The following DMD variants were observed in gnomAD, a reference collection of about 807,000 sequenced individuals.
DMD encodes mutant dystrophin.
DMD carries 63 observed loss-of-function variants against 330.1 expected under a neutral mutation model. That is an observed-to-expected ratio of 0.19 (90% CI 0.16 to 0.24). The LOEUF (loss-of-function observed/expected upper bound fraction) is 0.24. DMD is among the 10% of genes least tolerant of loss of function. The pLI, the probability that DMD is intolerant of heterozygous loss-of-function variation, is 1.00. For synonymous variants in DMD, 1,223 were observed against 959.8 expected, an observed-to-expected ratio of 1.27 and a Z score of -5.07; for missense variants, 3,344 against 2,684.1, an observed-to-expected ratio of 1.25 and a Z score of -5.43.
chrX:31,210,044 A>C (rs1267414937), intron 64 of DMD, among the ~76,000 whole-genome samples: 2 of 111,714 alleles, frequency 1.8e-5, no homozygotes, highest in African/African-American at 6.5e-5. Flanking sequence ...GAATAAGAAA[A>C]AAAAAATGTT....
In DMD at chrX:33,307,320, A is replaced by G. The variant is rs192317843; in HGVS notation, c.7+31939T>C. Among the ~76,000 whole-genome samples the G allele has an allele frequency of 8.7e-3, 977 of 112,311 alleles. 7 individuals are homozygous for G. Among genetic ancestry groups the G allele is most frequent in the Non-Finnish European group, 0.014 (724 of 53,290 alleles). Reference sequence around the variant, plus strand: ...AGATGTTATATTTTTCCCAGATTATATCTTTTTTAATTTTGTAAAAATAAA... The same window carrying G: ...AGATGTTATATTTTTCCCAGATTATGTCTTTTTTAATTTTGTAAAAATAAA... On this transcript the variant is annotated intron_variant, in intron 1 of 17. Transcript: ENST00000288447.
chrX:31,632,714 C>T (rs1055642540), intron 54 of DMD, among the ~76,000 whole-genome samples: 19 of 111,685 alleles, frequency 1.7e-4, no homozygotes, highest in African/African-American at 5.9e-4. Flanking sequence ...CCATATCAAC[C>T]GCTACTCATA....
chrX:31,317,157 T>C (rs762353618), intron 62 of DMD, among the ~76,000 whole-genome samples: 3 of 111,598 alleles, frequency 2.7e-5, no homozygotes, highest in Non-Finnish European at 5.6e-5. Context: ...GTCATTCTGC[T>C]TCCTTAAATG....
intron 9 of DMD, among the ~76,000 whole-genome samples, chrX:32,672,775 A>G (rs925987133): frequency 9.0e-6 from 1 of 111,083 alleles, no homozygotes; most frequent in African/African-American, 3.3e-5. Flanking sequence ...GCCATCTATC[A>G]TAACAAAACT....
At chrX:32,314,479 A>G in intron 41 of DMD, among the ~76,000 whole-genome samples, 1 of 111,751 alleles carries the variant, frequency 8.9e-6, no homozygotes, top group African/African-American at 3.2e-5. Flanking sequence ...TTCAGGATAC[A>G]GGCATGGGCA....
In DMD at chrX:32,190,396, C is replaced by T. The variant is rs188693665; in HGVS notation, c.6438+26520G>A. Among the ~76,000 whole-genome samples, 41 of 108,065 alleles carry T rather than the reference C, an allele frequency of 3.8e-4. No homozygotes were observed. The East Asian group carries it at 8.5e-3, about 22-fold the overall frequency. 93.8% of individuals were successfully genotyped at this position (108,065 alleles called of 115,157 possible). A position where few individuals can be genotyped will look rare whatever the true frequency, so the allele number is the denominator to read the frequency against. ...GCAATGCTATACCGCCTGTGCCTTC[C>T]GCAATAAGTGACACAGCAGACACTC... On this transcript the variant is annotated intron_variant, in intron 44 of 78. Transcript: ENST00000357033.
intron 51 of DMD, among the ~76,000 whole-genome samples, chrX:31,767,324 C>T (rs1407096222): frequency 9.0e-6 from 1 of 111,697 alleles, no homozygotes; most frequent in African/African-American, 3.3e-5. Context: ...TGTCACCCAA[C>T]CTCGTGAAAT....
chrX:31,907,358 A>C (rs2094490684), intron 47 of DMD, among the ~76,000 whole-genome samples: 1 of 112,071 alleles, frequency 8.9e-6, no homozygotes, highest in African/African-American at 3.2e-5. Flanking sequence ...CTGGTACCAA[A>C]ACAGAGATAT....
chrX:31,248,983 CTGTG>C (rs2049087930), intron 63 of DMD, among the ~76,000 whole-genome samples: 1 of 111,568 alleles, frequency 9.0e-6, no homozygotes, highest in Non-Finnish European at 1.9e-5. Context: ...AAACTTCATG[CTGTG>C]TGTGTGGCTT....
At chrX:32,679,610 G>C (rs1047992326) in intron 9 of DMD, among the ~76,000 whole-genome samples, 2 of 110,716 alleles carry the variant, frequency 1.8e-5, no homozygotes, top group African/African-American at 3.3e-5. Flanking sequence ...AGAAAAAATA[G>C]AAAGTCAAAG....
At chrX:32,885,827 G>GAGAA (rs1557115362) in intron 2 of DMD, among the ~76,000 whole-genome samples, 170 of 64,935 alleles carry the variant, frequency 2.6e-3, no homozygotes, top group African/African-American at 9.1e-3. Flanking sequence ...CCTTGAGGGG[G>GAGAA]AAAAAAAAAA....
intron 30 of DMD, among the ~76,000 whole-genome samples, chrX:32,411,294 C>A (rs1474996807): frequency 9.0e-6 from 1 of 110,641 alleles, no homozygotes; most frequent in Admixed American, 9.7e-5. Flanking sequence ...ACAAACCTGG[C>A]TAATTTTTGT....
At chrX:33,295,365 C>T (rs924104963) in intron 1 of DMD, among the ~76,000 whole-genome samples, 2 of 110,710 alleles carry the variant, frequency 1.8e-5, no homozygotes, top group East Asian at 5.7e-4. Context: ...GAAGTATTTA[C>T]ACCACAGAAA....
At chrX:31,222,399 A>AC (rs2046183423) in intron 64 of DMD, among the ~76,000 whole-genome samples, 1 of 104,651 alleles carries the variant, frequency 9.6e-6, no homozygotes, top group South Asian at 4.3e-4. Flanking sequence ...TCTCAAAAAA[A>AC]AAAAAAAAAA....
intron 47 of DMD, among the ~76,000 whole-genome samples, chrX:31,908,560 G>T (rs896627515): frequency 9.4e-6 from 1 of 106,120 alleles, no homozygotes; most frequent in Non-Finnish European, 1.9e-5. Flanking sequence ...ACACACTGGG[G>T]CCTGTCGTGG....
intron 44 of DMD, among the ~76,000 whole-genome samples, chrX:31,978,241 C>T (rs1010107266): frequency 1.8e-5 from 2 of 111,406 alleles, no homozygotes; most frequent in Admixed American, 1.9e-4. Context: ...ATTTGAATGA[C>T]ATCTGTATTT....
At chrX:32,359,028 C>A (rs1251431395) in intron 37 of DMD, among the ~76,000 whole-genome samples, 1 of 111,503 alleles carries the variant, frequency 9.0e-6, no homozygotes, top group Non-Finnish European at 1.9e-5. Flanking sequence ...GAGGCATATC[C>A]AAAATCACTA....
intron 63 of DMD, among the ~76,000 whole-genome samples, chrX:31,254,021 TAAGAA>T (rs1211865440): frequency 8.9e-6 from 1 of 111,821 alleles, no homozygotes; most frequent in East Asian, 2.8e-4. Flanking sequence ...CGCTATAACT[TAAGAA>T]AAGGAAAACC....
At chrX:32,553,751 C>T (rs1382963461) in intron 16 of DMD, among the ~76,000 whole-genome samples, 1 of 111,467 alleles carries the variant, frequency 9.0e-6, no homozygotes, top group African/African-American at 3.3e-5. Flanking sequence ...CTCTCTGTCC[C>T]CACCCAAATC....
Sources: gnomAD v4.1 joint callset for allele counts (sites outside exome capture counted in the v4.1 genomes callset) on GRCh38, gnomAD v4.1.1 for gene constraint, MANE v1.5 for transcripts, NCBI Gene and HGNC (gene_info 2026-07-23, HGNC 2026-07-21) for gene names.